Variants in NBAS observed in about 807,000 individuals in gnomAD.
NBAS encodes NBAS subunit of NRZ tethering complex.
A neutral mutation model predicts 302.5 loss-of-function variants in NBAS; 219 were observed. The observed-to-expected ratio is 0.72, with a 90% CI of 0.65 to 0.81. The LOEUF (loss-of-function observed/expected upper bound fraction) is 0.81. Ranked by LOEUF, NBAS falls within the 30% of genes least tolerant of loss-of-function variation. NBAS has a pLI of 0.00. For missense variants in NBAS, 2,932 were observed against 2,841.6 expected, an observed-to-expected ratio of 1.03 and a Z score of -0.72; for synonymous variants, 1,118 against 1,021.6, an observed-to-expected ratio of 1.09 and a Z score of -1.80.
chr2:15,084,645 G>A, the NBAS span, among the ~76,000 whole-genome samples: 1 of 150,648 alleles, frequency 6.6e-6, no homozygotes, highest in Non-Finnish European at 1.5e-5. Context: ...TCTGGAGGCA[G>A]GAAAAGCTGT....
chr2:14,953,797 T>A, the NBAS span, among the ~76,000 whole-genome samples: 1 of 152,318 alleles, frequency 6.6e-6, no homozygotes, highest in South Asian at 2.1e-4. Flanking sequence ...TCGTTAGAGT[T>A]GGTGGCACTA....
chr2:15,444,524 A>C (rs1405509342), intron 21 of NBAS, among the ~76,000 whole-genome samples: 1 of 152,084 alleles, frequency 6.6e-6, no homozygotes, highest in Non-Finnish European at 1.5e-5. Flanking sequence ...TAAAGACTTA[A>C]ACGTTAGACC....
At chr2:14,799,477 T>A in the NBAS span, among the ~76,000 whole-genome samples, 1 of 152,126 alleles carries the variant, frequency 6.6e-6, no homozygotes, top group Non-Finnish European at 1.5e-5. Flanking sequence ...TGGCCTACTA[T>A]ATGGTCGATC....
Position 15,554,138 on chromosome 2 carries a change from G to C in NBAS, c.210C>G (p.Ser70Arg). 6.2e-7 allele frequency: 1 copy of C among 1,612,744 alleles called. No individual in the cohort carries two copies. The highest frequency in any genetic ancestry group is 8.5e-7 in the Non-Finnish European group (1 of 1,179,152). Residue 70 changes from serine (S) to arginine (R), a missense_variant and splice_region_variant, in exon 4 of 52, where the codon AGC becomes AGG. Ser to Arg is a moderately radical substitution (Grantham distance 110, BLOSUM62 -1). Coordinates refer to ENST00000281513, the MANE Select transcript of NBAS (RefSeq NM_015909.4). ...LLFLRQYIWYSPAPFLLPDGL... is the reference protein window; with the variant it reads ...LLFLRQYIWYRPAPFLLPDGL... ...CATCAGGGAGCAAAAAAGGTGCCGG[G>C]CTGAAATCACAACACATTAGTTAGC...
At chr2:14,796,593 T>C in the NBAS span, among the ~76,000 whole-genome samples, 1 of 152,242 alleles carries the variant, frequency 6.6e-6, no homozygotes, top group East Asian at 1.9e-4. Flanking sequence ...TCAATGCTAT[T>C]GATAGCGACA....
At chr2:15,293,647 T>C (rs1181702497) in intron 40 of NBAS, among the ~76,000 whole-genome samples, 1 of 95,220 alleles carries the variant, frequency 1.1e-5, no homozygotes, top group Non-Finnish European at 1.8e-5. Flanking sequence ...ATAAGCAAAT[T>C]AGAGAAAAAA....
At chr2:15,473,925 C>G in intron 15 of NBAS, 142 bp downstream of exon 15, 4 of 1,010,820 alleles carry the variant, frequency 4.0e-6, no homozygotes, top group Non-Finnish European at 5.8e-6. Flanking sequence ...TTTTAAAAAG[C>G]TTTATAGAAC....
chr2:14,846,054 A>G, the NBAS span, among the ~76,000 whole-genome samples: 1 of 152,172 alleles, frequency 6.6e-6, no homozygotes, highest in Admixed American at 6.5e-5. Flanking sequence ...AAATACAAGA[A>G]GGTTATAGAA....
chr2:15,557,465 TG>T (rs1391376376), intron 2 of NBAS, among the ~76,000 whole-genome samples: 17 of 152,138 alleles, frequency 1.1e-4, no homozygotes, highest in African/African-American at 3.9e-4. Context: ...TTTTATTATT[TG>T]TACACATTTT....
the NBAS span, among the ~76,000 whole-genome samples, chr2:14,955,504 T>G: frequency 6.6e-6 from 1 of 152,236 alleles, no homozygotes; most frequent in Non-Finnish European, 1.5e-5. Flanking sequence ...CCTTCCACAC[T>G]GCCCTAGCAG....
chr2:14,947,534 G>A, the NBAS span, among the ~76,000 whole-genome samples: 1 of 151,968 alleles, frequency 6.6e-6, no homozygotes, highest in African/African-American at 2.4e-5. Flanking sequence ...CAGGTTTTTT[G>A]GTAGAGTCTT....
intron 10 of NBAS, among the ~76,000 whole-genome samples, chr2:15,510,032 T>C (rs1292516501): frequency 2.0e-5 from 3 of 152,218 alleles, no homozygotes; most frequent in Non-Finnish European, 4.4e-5. Flanking sequence ...ATATTTTTAG[T>C]AGAGACGGGG....
intron 21 of NBAS, among the ~76,000 whole-genome samples, chr2:15,440,211 G>T (rs993889278): frequency 2.4e-4 from 36 of 152,316 alleles, no homozygotes; most frequent in African/African-American, 8.4e-4. Context: ...CTCCTCAAGT[G>T]GGTCCCTGAC....
chr2:14,861,509 T>C, the NBAS span, among the ~76,000 whole-genome samples: 1 of 152,342 alleles, frequency 6.6e-6, no homozygotes. Flanking sequence ...AAACAAAACA[T>C]CTTCCCTTTT....
At chr2:14,851,390 A>T in the NBAS span, among the ~76,000 whole-genome samples, 2 of 152,044 alleles carry the variant, frequency 1.3e-5, no homozygotes, top group South Asian at 2.1e-4. Context: ...GAAGAAGTTG[A>T]ATCTCTGAAT....
At chr2:15,524,245 G>A (rs2148665427) in intron 9 of NBAS, among the ~76,000 whole-genome samples, 1 of 152,328 alleles carries the variant, frequency 6.6e-6, no homozygotes, top group African/African-American at 2.4e-5. Context: ...GACACGTGGT[G>A]AATGGAAAAA....
the NBAS span, among the ~76,000 whole-genome samples, chr2:14,803,755 T>G: frequency 1.3e-5 from 2 of 152,170 alleles, no homozygotes; most frequent in African/African-American, 4.8e-5. Context: ...GTTCAAGCAA[T>G]TCTCCTGCTT....
At chr2:15,327,970 T>C in intron 37 of NBAS, 100 bp from the exon 38 acceptor site, 1 of 1,495,308 alleles carries the variant, frequency 6.7e-7, no homozygotes, top group South Asian at 1.1e-5. Context: ...TCTGGTGACT[T>C]GAATAATAAC....
chr2:15,203,351 T>G (rs1665972725), intron 48 of NBAS, among the ~76,000 whole-genome samples: 1 of 152,200 alleles, frequency 6.6e-6, no homozygotes, highest in African/African-American at 2.4e-5. Context: ...TTACAACGTT[T>G]AGATGAAATG....
Sources: gnomAD v4.1 joint callset for allele counts (sites outside exome capture counted in the v4.1 genomes callset) on GRCh38, gnomAD v4.1.1 for gene constraint, MANE v1.5 for transcripts, NCBI Gene and HGNC (gene_info 2026-07-23, HGNC 2026-07-21) for gene names.